Variants in ZNF536 observed in about 807,000 individuals in gnomAD.
ZNF536 encodes zinc finger protein 536.
Under a neutral mutation model 84.5 loss-of-function variants are expected in ZNF536, and 13 were observed. The ratio of observed to expected loss-of-function variants is 0.15; its 90% CI spans 0.10 to 0.24. The LOEUF (loss-of-function observed/expected upper bound fraction) is 0.24, where lower values mean the gene tolerates loss of function less well. Among genes scored for constraint, ZNF536 ranks in the 10% least tolerant of loss-of-function variants. The pLI is 1.00. For missense variants in ZNF536, 1,536 were observed against 1,747.5 expected (o/e 0.88, Z 2.16); for synonymous variants, 811 against 742.5 (o/e 1.09, Z -1.50).
At position 30,275,016 on chromosome 19, in the gene ZNF536, C is replaced by A. The variant is rs142921104; in HGVS notation, c.-189-9056C>A. Among the ~76,000 whole-genome samples, 5 of 152,156 alleles carry A rather than the reference C, an allele frequency of 3.3e-5. 1 individual carries two copies. The South Asian group carries it at 8.3e-4, about 25-fold the overall frequency. On this transcript the variant is annotated intron_variant, in intron 1 of 5. Transcript: ENST00000585628. ...CCCGTTTGCATCATTCCATCTCTGG[C>A]GGCCAGAATTGTCTTAGTTTTGTTG...
chr19:30,383,745 C>T (rs368662902), intron 1 of ZNF536, among the ~76,000 whole-genome samples: 8 of 5,194 alleles, frequency 1.5e-3, no homozygotes, highest in South Asian at 5.6e-3. Context: ...CTTTCTTTCT[C>T]TTTCTTTCTT....
chr19:30,617,881 T>C (rs1283245697), intron 1 of ZNF536, among the ~76,000 whole-genome samples: 1 of 152,230 alleles, frequency 6.6e-6, no homozygotes, highest in Non-Finnish European at 1.5e-5. Context: ...TTGGCCTATC[T>C]GTCTTAAGCA....
At chr19:30,644,851 A>G (rs996700953) in intron 1 of ZNF536, among the ~76,000 whole-genome samples, 2 of 152,174 alleles carry the variant, frequency 1.3e-5, no homozygotes, top group Non-Finnish European at 2.9e-5. Context: ...TTTTTATAGC[A>G]GTGTGATTTA....
chr19:30,250,637 C>T (rs533911629), intron 1 of ZNF536, among the ~76,000 whole-genome samples: 2 of 152,278 alleles, frequency 1.3e-5, no homozygotes, highest in East Asian at 1.9e-4. Flanking sequence ...TTAGAGAAGT[C>T]GCTGAGCTTT....
At chr19:30,539,119 C>CT (rs1491307077) in intron 3 of ZNF536, among the ~76,000 whole-genome samples, 1 of 136,752 alleles carries the variant, frequency 7.3e-6, no homozygotes, top group Admixed American at 7.1e-5. Flanking sequence ...GAGATATGCA[C>CT]CCCCCCCACA....
chr19:30,429,948 C>T (rs751437381), intron 1 of ZNF536, among the ~76,000 whole-genome samples: 3 of 150,732 alleles, frequency 2.0e-5, no homozygotes, highest in Non-Finnish European at 2.9e-5. Context: ...ATGTGGGCCC[C>T]AGGAGGTCCT....
intron 1 of ZNF536, among the ~76,000 whole-genome samples, chr19:30,581,302 C>G (rs938339036): frequency 1.3e-5 from 2 of 152,072 alleles, no homozygotes; most frequent in Non-Finnish European, 2.9e-5. Context: ...CACAGTGAAA[C>G]TCTTTCTCTA....
At chr19:30,618,450 G>C (rs762216788) in intron 1 of ZNF536, among the ~76,000 whole-genome samples, 1 of 151,992 alleles carries the variant, frequency 6.6e-6, no homozygotes, top group Non-Finnish European at 1.5e-5. Context: ...GGATATATCC[G>C]TTTCACTATA....
intron 1 of ZNF536, among the ~76,000 whole-genome samples, chr19:30,658,041 C>A (rs926318522): frequency 2.1e-5 from 3 of 144,228 alleles, no homozygotes; most frequent in Non-Finnish European, 4.5e-5. Context: ...TTTTTTCCTT[C>A]AGATCGTGTC....
At chr19:30,617,366 T>TTTTTTTTTTTTTTTTTTTTTA (rs869281886) in intron 1 of ZNF536, among the ~76,000 whole-genome samples, 2 of 115,912 alleles carry the variant, frequency 1.7e-5, no homozygotes, top group Non-Finnish European at 1.8e-5. Context: ...TTTTTTTTTT[T>TTTTTTTTTTTTTTTTTTTTTA]ATGAGATGGA....
At chr19:30,630,853 C>T (rs1285480050) in intron 1 of ZNF536, among the ~76,000 whole-genome samples, 8 of 152,146 alleles carry the variant, frequency 5.3e-5, no homozygotes, top group South Asian at 4.1e-4. Flanking sequence ...TTAATTTGCA[C>T]GTGAATCACA....
At position 30,534,912 on chromosome 19, in the gene ZNF536, C is replaced by T. The variant is rs201221464; in HGVS notation, c.2236C>T (p.Leu746=). ...ACCAGCGCTGCTTCGCGACAGAAGCCTGGGCTCGGCCATGAAGGACTGCCC... is the reference window on the plus strand; with the variant it reads ...ACCAGCGCTGCTTCGCGACAGAAGCTTGGGCTCGGCCATGAAGGACTGCCC... The part of the protein sequence containing the change: ...QQPALLRDRS[L]GSAMKDCPYC... Residue 746 remains leucine (L), a synonymous_variant, in exon 3 of 5, where the codon CTG becomes TTG. Transcript: ENST00000355537. 1.7e-5 allele frequency: 28 copies of T among 1,613,882 alleles called. No homozygotes were observed. In the East Asian group the frequency reaches 6.2e-4, roughly 36 times the overall value.
At chr19:30,689,072 G>A (rs1390590275) in intron 1 of ZNF536, among the ~76,000 whole-genome samples, 2 of 152,228 alleles carry the variant, frequency 1.3e-5, no homozygotes, top group African/African-American at 2.4e-5. Flanking sequence ...CCATCCATTC[G>A]GAGAGAGGCA....
At chr19:30,591,338 A>G (rs2047271170) in intron 1 of ZNF536, among the ~76,000 whole-genome samples, 1 of 152,150 alleles carries the variant, frequency 6.6e-6, no homozygotes, top group Admixed American at 6.5e-5. Context: ...GGTAATTTAT[A>G]AAGGCAAGAG....
chr19:30,338,038 T>C (rs1259181747), intron 2 of ZNF536, among the ~76,000 whole-genome samples: 2 of 150,268 alleles, frequency 1.3e-5, no homozygotes, highest in Non-Finnish European at 3.0e-5. Context: ...ATGATGACAG[T>C]GGTGATGATG....
rs978435155 is a variant in ZNF536, at chr19:30,526,446, C to T, written c.2171-8401C>T. Among the ~76,000 whole-genome samples the T allele has an allele frequency of 9.6e-5, 12 of 125,292 alleles. 1 individual carries two copies. Among genetic ancestry groups the T allele is most frequent in the Non-Finnish European group, 2.0e-4 (10 of 49,716 alleles). 82.2% of individuals were successfully genotyped at this position (125,292 alleles called of 152,430 possible). A position where few individuals can be genotyped will look rare whatever the true frequency, so the allele number is the denominator to read the frequency against. ...AACAATTAAGAACAGGTTCAGGGGC[C>T]GGGCGCGGTGGCTCACGCCTGTAAT... On this transcript the variant is annotated intron_variant, in intron 2 of 4. Transcript: ENST00000355537.
chr19:30,445,638 T>G lies in ZNF536; in HGVS notation c.2076T>G (p.Ser692=), dbSNP rs2052291748. 5 of 1,612,692 alleles carry G rather than the reference T, an allele frequency of 3.1e-6. No individual in the cohort carries two copies. The African/African-American group carries it at 6.7e-5, about 22-fold the overall frequency. ...GCCGCTCCACCACGCCGGGCTCCTCTAACGTCACCGAGGAGAGCGGGGTCG... is the reference window on the plus strand; with the variant it reads ...GCCGCTCCACCACGCCGGGCTCCTCGAACGTCACCGAGGAGAGCGGGGTCG... The part of the protein sequence containing the change: ...SVSRSTTPGS[S]NVTEESGVGG... Residue 692 remains serine, a synonymous_variant, in exon 2 of 5, where the codon TCT becomes TCG. Transcript: ENST00000355537. This position sits in a 1 kb window ranked among gnomAD's most constrained non-coding sequence, Gnocchi z 4.5.
At chr19:30,380,708 C>T (rs2048990527) in intron 1 of ZNF536, among the ~76,000 whole-genome samples, 1 of 152,110 alleles carries the variant, frequency 6.6e-6, no homozygotes, top group Admixed American at 6.6e-5. Context: ...TTCTGATTTC[C>T]CTTAGAAGTG....
intron 2 of ZNF536, among the ~76,000 whole-genome samples, chr19:30,487,819 G>A (rs1012219309): frequency 2.0e-5 from 3 of 152,136 alleles, no homozygotes; most frequent in African/African-American, 7.2e-5. Context: ...TGATAGTTCA[G>A]CAATTAGAAC....
Sources: allele counts gnomAD v4.1 joint callset (sites outside exome capture counted in the v4.1 genomes callset), GRCh38; gene constraint gnomAD v4.1.1; non-coding constraint Gnocchi (gnomAD v3.1); transcripts MANE v1.5; gene names NCBI Gene and HGNC (gene_info 2026-07-23, HGNC 2026-07-21).